Variants in BCR observed in about 807,000 individuals in gnomAD.
BCR encodes breakpoint cluster region protein.
Under a neutral mutation model 138.6 loss-of-function variants are expected in BCR, and 58 were observed. That is an observed-to-expected ratio of 0.42 (90% CI 0.34 to 0.52). The LOEUF (loss-of-function observed/expected upper bound fraction) is 0.52. Ranked by LOEUF, BCR falls within the 20% of genes least tolerant of loss-of-function variation. The pLI is 0.06. For missense variants in BCR, 1,599 were observed against 1,727.2 expected, an observed-to-expected ratio of 0.93 and a Z score of 1.32; for synonymous variants, 786 against 730.1, an observed-to-expected ratio of 1.08 and a Z score of -1.23.
At chr22:23,203,367 A>G (rs1037826918) in intron 1 of BCR, among the ~76,000 whole-genome samples, 4 of 152,178 alleles carry the variant, frequency 2.6e-5, no homozygotes, top group Admixed American at 2.0e-4. Context: ...TTCTGTTCAC[A>G]GGATTGTACT....
rs75891826 is a variant in BCR, at chr22:23,186,380, C to A, written c.1279+4141C>A. On this transcript the variant is annotated intron_variant, in intron 1 of 22. Transcript: ENST00000305877. ...CTGTCTTAACCCTTTTAAATTGTTTCTTTGGGTAAGGCCAGTCAAGTGAAG... is the reference window on the plus strand; with the variant it reads ...CTGTCTTAACCCTTTTAAATTGTTTATTTGGGTAAGGCCAGTCAAGTGAAG... Among the ~76,000 whole-genome samples the A allele has an allele frequency of 2.2e-3, 338 of 152,032 alleles. 2 individuals carry two copies. Among genetic ancestry groups the A allele is most frequent in the African/African-American group, 7.7e-3 (320 of 41,312 alleles).
At chr22:23,301,683 T>G (rs2073903655) in intron 16 of BCR, among the ~76,000 whole-genome samples, 1 of 152,242 alleles carries the variant, frequency 6.6e-6, no homozygotes, top group Non-Finnish European at 1.5e-5. Context: ...CTTGGCACAT[T>G]TGCCACATCC....
At chr22:23,310,697 A>G (rs3865747) in intron 18 of BCR, among the ~76,000 whole-genome samples, 88 of 152,202 alleles carry the variant, frequency 5.8e-4, no homozygotes, top group African/African-American at 1.9e-3. Flanking sequence ...CTTGGAATTT[A>G]TCACGGTCCC....
intron 1 of BCR, among the ~76,000 whole-genome samples, chr22:23,240,838 C>T (rs987792598): frequency 1.3e-5 from 2 of 152,132 alleles, no homozygotes; most frequent in African/African-American, 4.8e-5. Context: ...ACTCCCTCCT[C>T]CCCTCCTGTC....
chr22:23,200,773 C>G (rs1043238563), intron 1 of BCR, among the ~76,000 whole-genome samples: 10 of 151,976 alleles, frequency 6.6e-5, no homozygotes, highest in Non-Finnish European at 1.3e-4. Flanking sequence ...TTGCCCGTGC[C>G]AGTCTCAAAC....
At chr22:23,266,857 C>G (rs1343358459) in intron 4 of BCR, among the ~76,000 whole-genome samples, 1 of 152,212 alleles carries the variant, frequency 6.6e-6, no homozygotes, top group Non-Finnish European at 1.5e-5. Flanking sequence ...TTGCTTAGAA[C>G]TTTGCACAAG....
At chr22:23,291,347 G>A (rs926536589) in intron 14 of BCR, among the ~76,000 whole-genome samples, 7 of 152,048 alleles carry the variant, frequency 4.6e-5, no homozygotes, top group South Asian at 2.1e-4. Flanking sequence ...GAGCAGTGTC[G>A]TGAAAAGACT....
At chr22:23,241,674 C>T (rs1225250637) in intron 1 of BCR, among the ~76,000 whole-genome samples, 1 of 152,156 alleles carries the variant, frequency 6.6e-6, no homozygotes, top group Admixed American at 6.5e-5. Flanking sequence ...TGCCTTTGTC[C>T]TCTTAGCCAG....
intron 12 of BCR, 118 bp from the exon 13 acceptor site, chr22:23,289,399 C>T (rs908958782): frequency 3.7e-6 from 3 of 815,728 alleles, no homozygotes; most frequent in Non-Finnish European, 6.0e-6. Flanking sequence ...CCCCCAAGCC[C>T]TGGCACCAGT....
chr22:23,184,450 TCAGA>T (rs1822882305), intron 1 of BCR, among the ~76,000 whole-genome samples: 1 of 152,154 alleles, frequency 6.6e-6, no homozygotes, highest in Admixed American at 6.5e-5. Flanking sequence ...TTATTTTCCC[TCAGA>T]CAGTTTTTCT....
intron 1 of BCR, among the ~76,000 whole-genome samples, chr22:23,245,363 T>C (rs1181015297): frequency 2.0e-5 from 3 of 152,058 alleles, no homozygotes; most frequent in African/African-American, 7.2e-5. Context: ...CCCTGACCTC[T>C]CTCTACCCGG....
intron 2 of BCR, chr22:23,254,656 C>T (rs1014481836): frequency 2.0e-6 from 1 of 511,606 alleles, no homozygotes. Context: ...TCTGATTCCT[C>T]TTGCTGGTCC....
chr22:23,255,668 TC>T (rs1245420555), intron 2 of BCR, among the ~76,000 whole-genome samples: 1 of 152,170 alleles, frequency 6.6e-6, no homozygotes, highest in African/African-American at 2.4e-5. Flanking sequence ...CCAGTCCCTG[TC>T]CGGGGGTGGG....
intron 1 of BCR, among the ~76,000 whole-genome samples, chr22:23,238,401 C>T (rs563813194): frequency 1.1e-4 from 16 of 152,048 alleles, no homozygotes; most frequent in Admixed American, 2.0e-4. Flanking sequence ...TGACATCTGC[C>T]CACACCTGGA....
At chr22:23,191,042 C>G (rs1242879048) in intron 1 of BCR, among the ~76,000 whole-genome samples, 1 of 152,016 alleles carries the variant, frequency 6.6e-6, no homozygotes, top group East Asian at 1.9e-4. Flanking sequence ...AAGCGATCCT[C>G]TCTCCTCAGC....
intron 16 of BCR, among the ~76,000 whole-genome samples, chr22:23,299,360 G>A (rs796166124): frequency 1.3e-4 from 20 of 152,212 alleles, no homozygotes; most frequent in African/African-American, 4.8e-4. Context: ...CATTCGTCTC[G>A]GAATGCCCCC....
Position 23,276,118 on chromosome 22 carries a change from G to A in BCR, c.2115+2344G>A, listed in dbSNP as rs532072241. Among the ~76,000 whole-genome samples, 286 of 152,282 alleles carry A rather than the reference G, an allele frequency of 1.9e-3. 3 individuals are homozygous for A. Among genetic ancestry groups the A allele is most frequent in the African/African-American group, 6.3e-3 (263 of 41,552 alleles). ...GTGTAATTTAAGAAGGGCTGGGTGC[G>A]GCTGGGCGCGGTGGCTCACACCTGT... On this transcript the variant is annotated intron_variant, in intron 8 of 22. Coordinates refer to ENST00000305877, the MANE Select transcript of BCR (RefSeq NM_004327.4).
rs533869797 is a variant in BCR at position 23,214,519 on chromosome 22, G to A, written c.1279+32280G>A. ...ACCTCTGTGGCCTGTGCCATGGCCA[G>A]GAGGACCTGCATTTCCTTCGGACTG... On this transcript the variant is annotated intron_variant, in intron 1 of 22. Transcript: ENST00000305877. 2.6e-5 allele frequency among the ~76,000 whole-genome samples: 4 copies of A among 152,348 alleles called. No individual in the cohort carries two copies. The South Asian group carries it at 6.2e-4, about 24-fold the overall frequency.
chr22:23,222,188 A>G (rs983660762), intron 1 of BCR, among the ~76,000 whole-genome samples: 2 of 152,164 alleles, frequency 1.3e-5, no homozygotes, highest in African/African-American at 2.4e-5. Flanking sequence ...TGCAGTCACT[A>G]TGTGCTTTGT....
Sources: allele counts gnomAD v4.1 joint callset (sites outside exome capture counted in the v4.1 genomes callset), GRCh38; gene constraint gnomAD v4.1.1; transcripts MANE v1.5; gene names NCBI Gene and HGNC (gene_info 2026-07-23, HGNC 2026-07-21).